GRID1: variants seen among roughly 807,000 people sequenced by gnomAD.
GRID1 encodes the protein glutamate receptor ionotropic, delta-1.
A neutral mutation model predicts 98.0 loss-of-function variants in GRID1; 28 were observed. The observed-to-expected ratio is 0.29, with a 90% confidence interval of 0.21 to 0.39. The LOEUF is 0.39. Ranked by LOEUF, GRID1 falls within the 10% of genes least tolerant of loss-of-function variation. The pLI is 1.00. For synonymous variants in GRID1, 553 were observed against 538.5 expected, an observed-to-expected ratio of 1.03 and a Z score of -0.37; for missense variants, 1,111 against 1,340.5, an observed-to-expected ratio of 0.83 and a Z score of 2.67.
chr10:86,299,493 T>A (rs1226275626), intron 2 of GRID1, among the ~76,000 whole-genome samples: 7 of 131,708 alleles, frequency 5.3e-5, no homozygotes, highest in Admixed American at 2.3e-4. Context: ...CTCGCCCCCC[T>A]CCCCACAACA....
At chr10:86,098,054 A>G (rs1844246155) in intron 4 of GRID1, among the ~76,000 whole-genome samples, 2 of 152,350 alleles carry the variant, frequency 1.3e-5, no homozygotes, top group East Asian at 1.9e-4. Flanking sequence ...ACCACACAAG[A>G]TAAGTAGTTC....
At chr10:86,096,105 C>G (rs1589369622) in intron 4 of GRID1, among the ~76,000 whole-genome samples, 1 of 152,192 alleles carries the variant, frequency 6.6e-6, no homozygotes, top group East Asian at 1.9e-4. Flanking sequence ...AAATGGAAAA[C>G]CAAATGTCAT....
chr10:85,907,093 T>C (rs1201117244), intron 5 of GRID1, among the ~76,000 whole-genome samples: 1 of 152,194 alleles, frequency 6.6e-6, no homozygotes, highest in East Asian at 1.9e-4. Flanking sequence ...ATGAACTTCA[T>C]ACCTATAAGT....
chr10:85,895,016 A>AAAAAAAATATATATAT (rs766551035), intron 5 of GRID1, among the ~76,000 whole-genome samples: 3 of 97,108 alleles, frequency 3.1e-5, no homozygotes, highest in South Asian at 3.7e-4. Flanking sequence ...AAAAAAAAAA[A>AAAAAAAATATATATAT]ATATATATAT....
rs112297054 is a variant in GRID1, at chr10:85,852,489, G to A, written c.1233+2007C>T. Among the ~76,000 whole-genome samples the A allele has an allele frequency of 2.0e-5, 3 of 152,308 alleles. 1 individual carries two copies. The highest frequency in any genetic ancestry group is 7.2e-5 in the African/African-American group (3 of 41,570). On this transcript the variant is annotated intron_variant, in intron 8 of 15. Transcript: ENST00000327946. Reference sequence around the variant, plus strand: ...CAGGACTGGAGGGTCAGCTGCTTGAGACAAGGCAGGGACCTCCACAGCCAG... The same window carrying A: ...CAGGACTGGAGGGTCAGCTGCTTGAAACAAGGCAGGGACCTCCACAGCCAG...
In GRID1 at chr10:85,600,066, G is replaced by A. The variant is rs1262081022; in HGVS notation, c.*2207C>T. 1 of 151,786 alleles carries A rather than the reference G, an allele frequency of 6.6e-6. No individual in the cohort carries two copies. The highest frequency in any genetic ancestry group is 1.5e-5 in the Non-Finnish European group (1 of 67,994). 9.4% of individuals were successfully genotyped at this position (151,786 alleles called of 1,614,324 possible). A position where few individuals can be genotyped will look rare whatever the true frequency, so the allele number is the denominator to read the frequency against. On this transcript the variant is annotated 3_prime_UTR_variant, in exon 16 of 16. Coordinates refer to ENST00000327946, the MANE Select transcript of GRID1 (RefSeq NM_017551.3). ...CCCCAGAAGACAGGCCATCTCAGGG[G>A]GCAATGAGGAAACAGAGTTGGTGTG...
intron 8 of GRID1, among the ~76,000 whole-genome samples, chr10:85,786,066 T>C (rs532505244): frequency 1.3e-5 from 2 of 152,208 alleles, no homozygotes; most frequent in African/African-American, 4.8e-5. Flanking sequence ...TACATACATA[T>C]GCACACACAA....
intron 4 of GRID1, among the ~76,000 whole-genome samples, chr10:86,120,064 G>T (rs1435431039): frequency 6.6e-6 from 1 of 152,124 alleles, no homozygotes; most frequent in African/African-American, 2.4e-5. Context: ...CTCCCAAAGT[G>T]CTGAGATTAC....
chr10:86,328,123 T>C (rs975693560), intron 2 of GRID1, among the ~76,000 whole-genome samples: 1 of 152,194 alleles, frequency 6.6e-6, no homozygotes, highest in Non-Finnish European at 1.5e-5. Flanking sequence ...CATTGGTGCA[T>C]GAAAAGAAGC....
chr10:85,872,418 G>C (rs1843287186), intron 5 of GRID1, among the ~76,000 whole-genome samples: 1 of 152,132 alleles, frequency 6.6e-6, no homozygotes, highest in Non-Finnish European at 1.5e-5. Context: ...CATTTTCCTA[G>C]AAGTCCTTTG....
intron 4 of GRID1, among the ~76,000 whole-genome samples, chr10:85,940,387 G>GCTGA: frequency 6.6e-6 from 1 of 152,318 alleles, no homozygotes; most frequent in Middle Eastern, 3.4e-3. Context: ...CTCTTAGGAA[G>GCTGA]CTGAGCTGAG....
intron 4 of GRID1, among the ~76,000 whole-genome samples, chr10:85,933,021 T>G (rs1267336925): frequency 1.3e-5 from 2 of 152,218 alleles, no homozygotes; most frequent in Non-Finnish European, 2.9e-5. Flanking sequence ...GCAACAGAGT[T>G]GAGAGTGGGG....
Position 85,876,017 on chromosome 10 carries a change from A to C in GRID1, c.781-6837T>G, listed in dbSNP as rs563709075. ...TTTGCTGGGAAATGCCTTTATTTTT[A>C]TCTCACTCTTGAAAGATATAATTCT... On this transcript the variant is annotated intron_variant, in intron 5 of 15. Coordinates refer to ENST00000327946, the MANE Select transcript of GRID1 (RefSeq NM_017551.3). Among the ~76,000 whole-genome samples the C allele has an allele frequency of 2.0e-5, 3 of 152,202 alleles. No individual in the cohort carries two copies. The South Asian group carries it at 6.2e-4, about 32-fold the overall frequency.
At chr10:86,040,534 C>G (rs1843331114) in intron 4 of GRID1, among the ~76,000 whole-genome samples, 1 of 142,188 alleles carries the variant, frequency 7.0e-6, no homozygotes, top group South Asian at 2.2e-4. Context: ...AAAAAAAGCC[C>G]ATCTCATAGA....
intron 2 of GRID1, among the ~76,000 whole-genome samples, chr10:86,268,594 C>A (rs1217666405): frequency 1.3e-5 from 2 of 152,228 alleles, no homozygotes; most frequent in Admixed American, 6.5e-5. Flanking sequence ...GCCACCAACA[C>A]CATTTGCTGG....
chr10:85,802,731 T>C (rs1375510024), intron 8 of GRID1, among the ~76,000 whole-genome samples: 1 of 151,254 alleles, frequency 6.6e-6, no homozygotes, highest in East Asian at 1.9e-4. Flanking sequence ...AAAACTGTTT[T>C]CAAACACTGG....
At chr10:85,804,423 T>G (rs1027075462) in intron 8 of GRID1, among the ~76,000 whole-genome samples, 1 of 151,828 alleles carries the variant, frequency 6.6e-6, no homozygotes, top group Non-Finnish European at 1.5e-5. Flanking sequence ...TCTACATGGC[T>G]TTACACAACC....
At chr10:86,086,284 T>C (rs2131934467) in intron 4 of GRID1, among the ~76,000 whole-genome samples, 2 of 152,342 alleles carry the variant, frequency 1.3e-5, no homozygotes, top group Non-Finnish European at 2.9e-5. Flanking sequence ...GGCTGGGGTC[T>C]GCTCTTGTCT....
intron 13 of GRID1, among the ~76,000 whole-genome samples, chr10:85,640,204 A>C (rs907104721): frequency 9.2e-5 from 14 of 152,246 alleles, no homozygotes; most frequent in Non-Finnish European, 1.5e-4. Context: ...GATAGCATCC[A>C]AGTTGCAAAA....
Sources: allele counts gnomAD v4.1 joint callset (sites outside exome capture counted in the v4.1 genomes callset), GRCh38; gene constraint gnomAD v4.1.1; transcripts MANE v1.5; gene names NCBI Gene and HGNC (gene_info 2026-07-23, HGNC 2026-07-21).